The following LAMA1 variants were observed in gnomAD, a reference collection of about 807,000 sequenced individuals.
LAMA1 encodes laminin subunit alpha 1.
LAMA1 carries 219 observed loss-of-function variants against 348.7 expected under a neutral mutation model. That is an observed-to-expected ratio of 0.63 (90% CI 0.56 to 0.70). LAMA1 has a LOEUF of 0.70. LAMA1 is among the 30% of genes least tolerant of loss of function. The pLI, the probability that LAMA1 is intolerant of heterozygous loss-of-function variation, is 0.00. For missense variants in LAMA1, 3,744 were observed against 3,888.0 expected (o/e 0.96, Z 0.99); for synonymous variants, 1,487 against 1,491.0 (o/e 1.00, Z 0.06).
At position 7,009,377 on chromosome 18, in the gene LAMA1, A is replaced by G. The variant is rs2057848567; in HGVS notation, c.3874-11T>C. The G allele has an allele frequency of 2.5e-6, 4 of 1,613,898 alleles. No homozygotes were observed. In the South Asian group the frequency reaches 4.4e-5, roughly 18 times the overall value. The stretch of plus-strand genomic sequence containing the variant: ...ATATTTCCAAAAATTCTGTAGAATG[A>G]GAAACACATTCAATTAAGCTCAGAG... On this transcript the variant is annotated splice_polypyrimidine_tract_variant and intron_variant, in intron 26 of 62. Transcript: ENST00000389658.
chr18:7,070,904 C>CAAA (rs11455370), intron 3 of LAMA1, among the ~76,000 whole-genome samples: 18 of 127,412 alleles, frequency 1.4e-4, no homozygotes, highest in South Asian at 2.5e-4. Context: ...GCTTCTTGAT[C>CAAA]AAAAAAAAAA....
At chr18:7,117,495 T>C (rs2058362345) in intron 1 of LAMA1, among the ~76,000 whole-genome samples, 165 bp downstream of exon 1, 1 of 151,624 alleles carries the variant, frequency 6.6e-6, no homozygotes, top group Non-Finnish European at 1.5e-5. Flanking sequence ...CATCCAGCCC[T>C]CCCCGGCAAG....
In LAMA1 at chr18:7,008,506, A is replaced by C. The variant is rs748584496; in HGVS notation, c.4104T>G (p.Thr1368=). 2 of 1,614,110 alleles carry C rather than the reference A, an allele frequency of 1.2e-6. No individual in the cohort carries two copies. The highest frequency in any genetic ancestry group is 1.7e-5 in the Admixed American group (1 of 60,022). ...LLENCVCPPG[T]VGFSCQDCAP... is the part of the protein sequence containing the mutation. ...TCCGTACCTGACATGAGAATCCCAC[A>C]GTGCCAGGAGGACAGACACAATTCT... is the stretch of plus-strand genomic sequence containing the variant. Residue 1368 remains threonine, a synonymous_variant, in exon 28 of 63, where the codon ACT becomes ACG. Coordinates refer to ENST00000389658, the MANE Select transcript of LAMA1 (RefSeq NM_005559.4).
At chr18:7,092,307 C>G (rs182837584) in intron 1 of LAMA1, among the ~76,000 whole-genome samples, 140 of 152,310 alleles carry the variant, frequency 9.2e-4, no homozygotes, top group African/African-American at 3.3e-3. Flanking sequence ...TCTCTCTTCA[C>G]TCAGTTCCAA....
chr18:7,083,142 T>A (rs867633438), intron 1 of LAMA1, among the ~76,000 whole-genome samples: 18 of 152,168 alleles, frequency 1.2e-4, no homozygotes, highest in Middle Eastern at 6.8e-3. Context: ...AGGTAGTTCT[T>A]TGCACTAGAC....
At chr18:7,052,318 C>T (rs1292111950) in intron 3 of LAMA1, among the ~76,000 whole-genome samples, 2 of 152,010 alleles carry the variant, frequency 1.3e-5, no homozygotes, top group African/African-American at 4.8e-5. Flanking sequence ...GTAGTCCCCA[C>T]TACTCAGGAG....
chr18:6,957,983 T>A (rs945123656), intron 55 of LAMA1, among the ~76,000 whole-genome samples: 1 of 152,128 alleles, frequency 6.6e-6, no homozygotes. Context: ...GGTTTCACTA[T>A]GTTGGCCAGG....
At chr18:7,065,662 G>C (rs2058119916) in intron 3 of LAMA1, among the ~76,000 whole-genome samples, 1 of 152,172 alleles carries the variant, frequency 6.6e-6, no homozygotes, top group African/African-American at 2.4e-5. Context: ...AGGAGGCAGA[G>C]ATTGCAGTGA....
At chr18:7,083,478 G>A (rs2058201868) in intron 1 of LAMA1, among the ~76,000 whole-genome samples, 1 of 151,818 alleles carries the variant, frequency 6.6e-6, no homozygotes, top group African/African-American at 2.4e-5. Context: ...GAGCCACCGC[G>A]CCGGGCCCTA....
intron 1 of LAMA1, among the ~76,000 whole-genome samples, chr18:7,107,411 C>T (rs532418683): frequency 2.0e-5 from 3 of 152,116 alleles, no homozygotes; most frequent in Admixed American, 6.5e-5. Flanking sequence ...AGCCACCGCC[C>T]CCAGCCAGAA....
chr18:7,115,812 T>TACAAA (rs546493094), intron 1 of LAMA1, among the ~76,000 whole-genome samples: 2 of 16,194 alleles, frequency 1.2e-4, no homozygotes, highest in Non-Finnish European at 1.3e-4. Context: ...CCACTAAAAA[T>TACAAA]ACAAAAAAAA....
intron 16 of LAMA1, among the ~76,000 whole-genome samples, chr18:7,031,778 T>C (rs2057970243): frequency 1.3e-5 from 2 of 151,742 alleles, no homozygotes; most frequent in African/African-American, 4.8e-5. Context: ...TATTGCTTTA[T>C]AGTCTCAGCA....
chr18:7,107,348 G>A (rs987855154), intron 1 of LAMA1, among the ~76,000 whole-genome samples: 15 of 151,992 alleles, frequency 9.9e-5, no homozygotes, highest in African/African-American at 3.1e-4. Context: ...TCCATCTCCT[G>A]ACCTCGTGAT....
At chr18:7,017,410 T>G (rs766115637) in intron 19 of LAMA1, 26 bp from the exon 20 acceptor site, 1 of 1,518,930 alleles carries the variant, frequency 6.6e-7, no homozygotes, top group East Asian at 2.3e-5. Context: ...CAAAGACATA[T>G]TAACCCTCAC....
intron 41 of LAMA1, among the ~76,000 whole-genome samples, chr18:6,981,556 C>T (rs1305856035): frequency 6.6e-6 from 1 of 152,202 alleles, no homozygotes; most frequent in Non-Finnish European, 1.5e-5. Flanking sequence ...TGCCAGCAAG[C>T]TCCCAATTTC....
intron 3 of LAMA1, among the ~76,000 whole-genome samples, chr18:7,054,934 A>G (rs2058075571): frequency 6.6e-6 from 1 of 152,236 alleles, no homozygotes; most frequent in Admixed American, 6.5e-5. Context: ...TATATAATAC[A>G]TAATACAATA....
At chr18:6,966,383 A>C (rs939565258) in intron 48 of LAMA1, 86 bp from the exon 49 acceptor site, 30 of 1,085,250 alleles carry the variant, frequency 2.8e-5, no homozygotes, top group Non-Finnish European at 4.2e-5. Context: ...TCCTTCACAA[A>C]GATCACTGTA....
In LAMA1 at chr18:6,958,547, C is replaced by T. The variant is rs779648043; in HGVS notation, c.7894G>A (p.Glu2632Lys). 3.7e-6 allele frequency: 6 copies of T among 1,614,072 alleles called. No individual in the cohort carries two copies. Among genetic ancestry groups the T allele is most frequent in the Non-Finnish European group, 5.1e-6 (6 of 1,180,040 alleles). The change falls in exon 55 of 63, where the codon GAG becomes AAG. Residue 2632 changes from glutamate (E) to lysine (K), a missense_variant. Physicochemically the swap from Glu to Lys is moderately conservative, Grantham distance 56. This residue lies in a region of LAMA1 where 1,983 missense variants were observed against 1,934.3 expected (regional missense o/e 1.03). Transcript: ENST00000389658. Reference protein sequence around the residue: ...NLYVGGIPEGEGTSLLTMRRS... With the variant: ...NLYVGGIPEGKGTSLLTMRRS... The stretch of plus-strand genomic sequence containing the variant: ...CTCATTGTGAGCAGTGACGTCCCCT[C>T]TCCCTCTGGAATTCCCCCGACGTAC...
intron 12 of LAMA1, 100 bp downstream of exon 12, chr18:7,037,478 T>TTATGA: frequency 7.6e-7 from 1 of 1,311,212 alleles, no homozygotes; most frequent in Non-Finnish European, 1.1e-6. Context: ...AACACTCAGG[T>TTATGA]GCCCTATGAG....
Sources: allele counts gnomAD v4.1 joint callset (sites outside exome capture counted in the v4.1 genomes callset), GRCh38; gene constraint gnomAD v4.1.1; regional missense constraint gnomAD v4.1.1; transcripts MANE v1.5; gene names NCBI Gene and HGNC (gene_info 2026-07-23, HGNC 2026-07-21).